Variants in KPNA1 observed in about 807,000 individuals in gnomAD.
KPNA1 encodes karyopherin subunit alpha 1, also known as importin subunit alpha-5.
A neutral mutation model predicts 70.5 loss-of-function variants in KPNA1; 10 were observed. The observed-to-expected ratio is 0.14, with a 90% CI of 0.09 to 0.24. The LOEUF is 0.24. Ranked by LOEUF, KPNA1 falls within the 10% of genes least tolerant of loss-of-function variation. The pLI, the probability that KPNA1 is intolerant of heterozygous loss-of-function variation, is 1.00. For synonymous variants in KPNA1, 192 were observed against 221.9 expected (o/e 0.87, Z 1.20); for missense variants, 397 against 637.9 (o/e 0.62, Z 4.07).
At chr3:122,447,476 T>G (rs1024318796) in intron 9 of KPNA1, among the ~76,000 whole-genome samples, 1 of 152,194 alleles carries the variant, frequency 6.6e-6, no homozygotes, top group Non-Finnish European at 1.5e-5. Context: ...TCAACAGCCC[T>G]TCATGCTAAA....
At chr3:122,445,187 A>G (rs2076120468) in intron 9 of KPNA1, among the ~76,000 whole-genome samples, 2 of 152,190 alleles carry the variant, frequency 1.3e-5, no homozygotes, top group African/African-American at 4.8e-5. Flanking sequence ...TAACTAGAAT[A>G]AACAGTGTAG....
intron 1 of KPNA1, among the ~76,000 whole-genome samples, chr3:122,503,740 CT>C (rs2076856476): frequency 6.6e-6 from 1 of 152,064 alleles, no homozygotes; most frequent in Admixed American, 6.6e-5. Context: ...TATTAATAGA[CT>C]TTCTAATACC....
intron 3 of KPNA1, among the ~76,000 whole-genome samples, chr3:122,466,536 C>G (rs569453467): frequency 1.4e-4 from 22 of 151,980 alleles, no homozygotes; most frequent in African/African-American, 5.3e-4. Context: ...CTCTAGAAAT[C>G]TAGATAGGTC....
chr3:122,443,846 T>C (rs1216527904), intron 9 of KPNA1, among the ~76,000 whole-genome samples: 2 of 152,312 alleles, frequency 1.3e-5, no homozygotes, highest in East Asian at 1.9e-4. Context: ...AGGGTGAGAT[T>C]AGAACTGCTG....
intron 2 of KPNA1, among the ~76,000 whole-genome samples, chr3:122,474,112 A>G (rs924716173): frequency 2.0e-5 from 3 of 152,184 alleles, no homozygotes; most frequent in African/African-American, 7.2e-5. Context: ...TACACTCCCC[A>G]AAAAACAGAA....
At chr3:122,495,705 G>A (rs2076751426) in intron 2 of KPNA1, among the ~76,000 whole-genome samples, 2 of 135,264 alleles carry the variant, frequency 1.5e-5, no homozygotes, top group African/African-American at 5.5e-5. Flanking sequence ...TGGTCCTTCA[G>A]GCTCCAAAGT....
intron 11 of KPNA1, among the ~76,000 whole-genome samples, chr3:122,436,740 C>A (rs2075993972): frequency 6.6e-6 from 1 of 152,120 alleles, no homozygotes; most frequent in Admixed American, 6.5e-5. Context: ...AAGACAACAA[C>A]ATTGAAAGTG....
intron 12 of KPNA1, chr3:122,432,522 G>GT (rs2075924452): frequency 1.3e-5 from 2 of 152,318 alleles, no homozygotes; most frequent in South Asian, 2.1e-4. Context: ...AAGCAACAAT[G>GT]TAAGTAGTAG....
intron 6 of KPNA1, among the ~76,000 whole-genome samples, chr3:122,453,432 G>A (rs190666893): frequency 6.6e-6 from 1 of 152,208 alleles, no homozygotes; most frequent in African/African-American, 2.4e-5. Context: ...TAAATTTCTA[G>A]AACACTCCTT....
rs528934600 is a variant in KPNA1 at position 122,487,052 on chromosome 3, T to C, written c.129+9385A>G. Among the ~76,000 whole-genome samples the C allele has an allele frequency of 2.6e-5, 4 of 152,312 alleles. No individual in the cohort carries two copies. The East Asian group carries it at 7.7e-4, about 29-fold the overall frequency. On this transcript the variant is annotated intron_variant, in intron 2 of 13. Coordinates refer to ENST00000344337, the MANE Select transcript of KPNA1 (RefSeq NM_002264.4). ...TTCCAGCGAATAAAAGCAGAAGGAA[T>C]GATCACTGTAACCTCTATAAAAGTA...
intron 11 of KPNA1, among the ~76,000 whole-genome samples, chr3:122,435,738 T>C (rs1376684696): frequency 2.0e-5 from 3 of 152,216 alleles, no homozygotes; most frequent in Admixed American, 6.5e-5. Flanking sequence ...TTCATGGACA[T>C]TTATCACCTC....
intron 1 of KPNA1, among the ~76,000 whole-genome samples, chr3:122,501,131 T>C (rs2076824689): frequency 6.6e-6 from 1 of 150,472 alleles, no homozygotes; most frequent in South Asian, 2.1e-4. Flanking sequence ...CAGGTTCAAG[T>C]GATTCTCCTG....
chr3:122,512,576 T>G (rs993567871), intron 1 of KPNA1, among the ~76,000 whole-genome samples: 7 of 152,040 alleles, frequency 4.6e-5, no homozygotes, highest in Non-Finnish European at 7.4e-5. Context: ...TACAAAAAAT[T>G]AGCCGAGTGT....
intron 2 of KPNA1, among the ~76,000 whole-genome samples, chr3:122,476,887 A>T (rs1001982309): frequency 1.4e-4 from 20 of 143,598 alleles, no homozygotes; most frequent in Admixed American, 1.1e-3. Flanking sequence ...AAAAAAAACT[A>T]AAAAAAGAAT....
At chr3:122,514,440 C>T in intron 1 of KPNA1, 1 of 150,178 alleles carries the variant, frequency 6.7e-6, no homozygotes, top group South Asian at 1.8e-4. Context: ...TGCCTCGGCG[C>T]CCCGCAGTCC....
intron 1 of KPNA1, among the ~76,000 whole-genome samples, chr3:122,510,505 G>A (rs530681852): frequency 1.3e-5 from 2 of 152,154 alleles, no homozygotes; most frequent in South Asian, 4.1e-4. Context: ...ACTCTACATG[G>A]GTCAGCTGTG....
intron 12 of KPNA1, chr3:122,432,725 T>C (rs1002122257): frequency 6.6e-6 from 1 of 152,210 alleles, no homozygotes; most frequent in African/African-American, 2.4e-5. Flanking sequence ...CATTTAATTA[T>C]ATGATGCTCC....
chr3:122,448,912 T>C (rs1221019024), intron 9 of KPNA1, among the ~76,000 whole-genome samples: 1 of 152,242 alleles, frequency 6.6e-6, no homozygotes, highest in Non-Finnish European at 1.5e-5. Flanking sequence ...ATCCAGTCTG[T>C]AGCCTGCTAT....
chr3:122,435,924 A>G (rs1012350723), intron 11 of KPNA1, among the ~76,000 whole-genome samples: 4 of 152,242 alleles, frequency 2.6e-5, no homozygotes, highest in African/African-American at 9.6e-5. Context: ...AGAGGATAAC[A>G]GCGATGTTCA....
Sources: allele counts gnomAD v4.1 joint callset (sites outside exome capture counted in the v4.1 genomes callset), GRCh38; gene constraint gnomAD v4.1.1; transcripts MANE v1.5; gene names NCBI Gene and HGNC (gene_info 2026-07-23, HGNC 2026-07-21).